The following UBA2 variants were observed in gnomAD, a reference collection of about 807,000 sequenced individuals.
The protein encoded by UBA2 is ubiquitin like modifier activating enzyme 2.
UBA2 carries 11 observed loss-of-function variants against 77.2 expected under a neutral mutation model. That is an observed-to-expected ratio of 0.14 (90% confidence interval 0.09 to 0.24). The LOEUF is 0.24. Among genes scored for constraint, UBA2 ranks in the 10% least tolerant of loss-of-function variants. The pLI, the probability that UBA2 is intolerant of heterozygous loss-of-function variation, is 1.00. For missense variants in UBA2, 487 were observed against 781.7 expected (o/e 0.62, Z 4.50); for synonymous variants, 278 against 276.7 (o/e 1.00, Z -0.05).
At position 34,428,735 on chromosome 19, in the gene UBA2, G is replaced by A. The variant is rs919401859; in HGVS notation, c.138+165G>A. 26 of 1,154,200 alleles carry A rather than the reference G, an allele frequency of 2.3e-5. No individual in the cohort carries two copies. The African/African-American group carries it at 2.7e-4, about 12-fold the overall frequency. The allele number at this position is 1,154,200 out of a possible 1,614,324, so 71.5% of individuals were successfully genotyped here. ...CTCGGGTTGTGCCCCCCCCGCGGGA[G>A]GAGACTGTTCTTTGGGCACGGGGCG... On this transcript the variant is annotated intron_variant, in intron 1 of 16. Coordinates refer to ENST00000246548, the MANE Select transcript of UBA2 (RefSeq NM_005499.3).
chr19:34,454,569 G>C lies in UBA2; in HGVS notation c.1245+13G>C. The C allele has an allele frequency of 7.1e-7, 1 of 1,409,746 alleles. No homozygotes were observed. Among genetic ancestry groups the C allele is most frequent in the Non-Finnish European group, 9.7e-7 (1 of 1,035,360 alleles). The allele number at this position is 1,409,746 out of a possible 1,614,324, so 87.3% of individuals were successfully genotyped here. On this transcript the variant is annotated intron_variant, in intron 12 of 16. Transcript: ENST00000246548. The stretch of plus-strand genomic sequence containing the variant: ...CCAGTGCAGAACAGTGAGTATTTCT[G>C]TTTGCATTTTTATGCAACCCCCCTT...
rs1451410763 is a variant in UBA2 at position 34,458,891 on chromosome 19, C to G, written c.1368C>G (p.Val456=). The G allele has an allele frequency of 5.0e-6, 8 of 1,613,864 alleles. No homozygotes were observed. Among genetic ancestry groups the G allele is most frequent in the Non-Finnish European group, 6.8e-6 (8 of 1,179,984 alleles). ...CAGAGGTGACTGTGCGGCTGAATGT[C>G]CATAAAGTGACTGTTCTCACCTTAC... ...SKPEVTVRLN[V]HKVTVLTLQD... The change falls in exon 13 of 17, where the codon GTC becomes GTG. Residue 456 remains valine (V), a synonymous_variant. Transcript: ENST00000246548.
In UBA2 at chr19:34,466,861, G is replaced by C. The variant is rs768818315; in HGVS notation, c.1605-17G>C. ...TTCTAAATAGTCATAGCAGTGACCT[G>C]TGTGATTCTCCTACAGTGAAGACCT... On this transcript the variant is annotated splice_polypyrimidine_tract_variant and intron_variant, in intron 15 of 16. Transcript: ENST00000246548. The C allele has an allele frequency of 3.7e-6, 6 of 1,611,734 alleles. No individual in the cohort carries two copies. Among genetic ancestry groups the C allele is most frequent in the Non-Finnish European group, 1.7e-6 (2 of 1,179,464 alleles).
At chr19:34,452,405 G>T (rs1344667759) in intron 10 of UBA2, among the ~76,000 whole-genome samples, 4 of 152,144 alleles carry the variant, frequency 2.6e-5, no homozygotes, top group East Asian at 1.9e-4. Context: ...GAAAAATAAC[G>T]TGAATATATT....
intron 6 of UBA2, among the ~76,000 whole-genome samples, chr19:34,441,175 G>A (rs957607127): frequency 6.6e-6 from 1 of 152,182 alleles, no homozygotes; most frequent in African/African-American, 2.4e-5. Flanking sequence ...AACTTACTAG[G>A]CCGGGCGAGG....
At chr19:34,442,988 T>C (rs570511580) in intron 6 of UBA2, among the ~76,000 whole-genome samples, 1 of 152,348 alleles carries the variant, frequency 6.6e-6, no homozygotes, top group South Asian at 2.1e-4. Flanking sequence ...GAAACTTTTA[T>C]ATCCATGAGT....
intron 3 of UBA2, 112 bp downstream of exon 3, chr19:34,432,043 A>G (rs1440755370): frequency 5.1e-6 from 4 of 783,916 alleles, no homozygotes; most frequent in African/African-American, 1.8e-5. Flanking sequence ...GAATTATTAA[A>G]CAGTGGTGGT....
intron 1 of UBA2, chr19:34,429,213 C>T (rs1018177090): frequency 1.0e-6 from 1 of 985,244 alleles, no homozygotes; most frequent in African/African-American, 1.7e-5. Context: ...TCATTGCTCT[C>T]ACAGTAGACG....
intron 12 of UBA2, among the ~76,000 whole-genome samples, chr19:34,457,018 A>C (rs1175349472): frequency 6.7e-6 from 1 of 149,808 alleles, no homozygotes; most frequent in Admixed American, 6.7e-5. Context: ...GCTCCATGCC[A>C]CTCTTGGACT....
At chr19:34,453,256 A>G (rs1014887370) in intron 10 of UBA2, among the ~76,000 whole-genome samples, 1 of 152,252 alleles carries the variant, frequency 6.6e-6, no homozygotes, top group African/African-American at 2.4e-5. Context: ...CTATGCTCTC[A>G]GTATTTTTTC....
Position 34,445,034 on chromosome 19 carries a change from A to C in UBA2, c.684A>C (p.Ala228=). The C allele has an allele frequency of 6.2e-7, 1 of 1,613,994 alleles. No homozygotes were observed. The highest frequency in any genetic ancestry group is 8.5e-7 in the Non-Finnish European group (1 of 1,179,946). Reference sequence around the variant, plus strand: ...CGGAAGCCGAAGCCAGAGCTAGAGCATCTAATGAAGATGGTGACATTAAAC... The same window carrying C: ...CGGAAGCCGAAGCCAGAGCTAGAGCCTCTAATGAAGATGGTGACATTAAAC... The part of the protein sequence containing the change: ...EPTEAEARAR[A]SNEDGDIKRI... The change falls in exon 8 of 17, where the codon GCA becomes GCC. Residue 228 remains alanine (A), a synonymous_variant. Transcript: ENST00000246548.
At chr19:34,437,023 G>A (rs1160356873) in intron 5 of UBA2, among the ~76,000 whole-genome samples, 1 of 152,160 alleles carries the variant, frequency 6.6e-6, no homozygotes, top group Non-Finnish European at 1.5e-5. Flanking sequence ...ATATTGGAAG[G>A]CTGAGGGCAT....
chr19:34,467,107 A>C, intron 16 of UBA2, 93 bp downstream of exon 16: 1 of 1,431,136 alleles, frequency 7.0e-7, no homozygotes, highest in Non-Finnish European at 9.6e-7. Context: ...TAAATCCATA[A>C]AACTACTAGA....
Position 34,466,912 on chromosome 19 carries a change from G to C in UBA2, c.1639G>C (p.Val547Leu). 2 of 1,613,698 alleles carry C rather than the reference G, an allele frequency of 1.2e-6. No homozygotes were observed. The highest frequency in any genetic ancestry group is 1.7e-6 in the Non-Finnish European group (2 of 1,180,022). Residue 547 changes from valine to leucine, a missense_variant, in exon 16 of 17, where the codon GTT becomes CTT. Physicochemically the swap from Val to Leu is conservative, Grantham distance 32. Coordinates refer to ENST00000246548, the MANE Select transcript of UBA2 (RefSeq NM_005499.3). ...DLGKDVEFEV[V>L]GDAPEKVGPK... ...AGGAAAGGACGTTGAATTTGAAGTT[G>C]TTGGTGATGCCCCGGAAAAAGTGGG...
intron 16 of UBA2, chr19:34,467,224 T>C (rs1242519728): frequency 1.9e-6 from 1 of 531,440 alleles, no homozygotes; most frequent in East Asian, 3.2e-5. Context: ...TCCCAGCACT[T>C]TGAGAGGCCA....
chr19:34,457,747 G>T (rs770675299), intron 12 of UBA2, among the ~76,000 whole-genome samples: 21 of 152,156 alleles, frequency 1.4e-4, no homozygotes, highest in Non-Finnish European at 2.2e-4. Context: ...ACAAGATAAA[G>T]GTTTGTGTCT....
intron 8 of UBA2, among the ~76,000 whole-genome samples, chr19:34,449,909 T>G (rs2075474124): frequency 6.6e-6 from 1 of 152,148 alleles, no homozygotes; most frequent in South Asian, 2.1e-4. Context: ...GTACATTTAT[T>G]TACAACTACA....
chr19:34,459,281 A>G (rs893716326), intron 13 of UBA2, among the ~76,000 whole-genome samples: 1 of 152,190 alleles, frequency 6.6e-6, no homozygotes, highest in African/African-American at 2.4e-5. Context: ...GGCAGTGAGC[A>G]GATAAGTATT....
chr19:34,428,801 C>G, intron 1 of UBA2: 1 of 1,147,148 alleles, frequency 8.7e-7, no homozygotes, highest in East Asian at 3.7e-5. Context: ...CCGAGGAGGC[C>G]GCGGGCCCCC....
Sources: allele counts gnomAD v4.1 joint callset (sites outside exome capture counted in the v4.1 genomes callset), GRCh38; gene constraint gnomAD v4.1.1; transcripts MANE v1.5; gene names NCBI Gene and HGNC (gene_info 2026-07-23, HGNC 2026-07-21).